Variants in REV3L observed in about 807,000 individuals in gnomAD.
The protein encoded by REV3L is REV3 like, DNA directed polymerase zeta catalytic subunit.
Under a neutral mutation model 299.4 loss-of-function variants are expected in REV3L, and 69 were observed. The ratio of observed to expected loss-of-function variants is 0.23; its 90% CI spans 0.19 to 0.28. The LOEUF is 0.28. Ranked by LOEUF, REV3L falls within the 10% of genes least tolerant of loss-of-function variation. REV3L has a pLI of 1.00. For missense variants in REV3L, 3,128 were observed against 3,693.8 expected (o/e 0.85, Z 3.97); for synonymous variants, 1,238 against 1,271.4 (o/e 0.97, Z 0.56).
rs534865123 is a variant in REV3L at position 111,411,703 on chromosome 6, C to T, written c.330-149G>A. 291 of 612,842 alleles carry T rather than the reference C, an allele frequency of 4.7e-4. 1 individual carries two copies. The African/African-American group carries it at 5.1e-3, about 11-fold the overall frequency. The allele number at this position is 612,842 out of a possible 1,614,324, so 38.0% of individuals were successfully genotyped here. On this transcript the variant is annotated intron_variant, in intron 2 of 31. Transcript: ENST00000368802. ...CAAAAAACAACTAAAAAATCCCAAACCTTTCAGTTAAACCTAGCACAGGTT... is the reference window on the plus strand; with the variant it reads ...CAAAAAACAACTAAAAAATCCCAAATCTTTCAGTTAAACCTAGCACAGGTT...
chr6:111,451,867 T>C (rs943631079), intron 1 of REV3L, among the ~76,000 whole-genome samples: 15 of 148,278 alleles, frequency 1.0e-4, no homozygotes, highest in African/African-American at 3.4e-4. Context: ...AAAAGATAAA[T>C]TGGACTTTAT....
intron 15 of REV3L, 94 bp from the exon 16 acceptor site, chr6:111,364,072 G>A: frequency 6.8e-7 from 1 of 1,478,082 alleles, no homozygotes; most frequent in Non-Finnish European, 9.1e-7. Context: ...TATGCTTTAT[G>A]TGTTTAGTAA....
At position 111,431,387 on chromosome 6, in the gene REV3L, G is replaced by C. The variant is rs555305970; in HGVS notation, c.140-14915C>G. 6.1e-5 allele frequency: 59 copies of C among 964,574 alleles called. 1 individual carries two copies. In the African/African-American group the frequency reaches 8.3e-4, roughly 14 times the overall value. 59.8% of individuals were successfully genotyped at this position (964,574 alleles called of 1,614,324 possible). On this transcript the variant is annotated intron_variant, in intron 1 of 31. Transcript: ENST00000368802. Reference sequence around the variant, plus strand: ...TACTTCAAGACAGGCTCATAGCGCTGAAAGCAGTAACAAACTTTGGCGTTC... The same window carrying C: ...TACTTCAAGACAGGCTCATAGCGCTCAAAGCAGTAACAAACTTTGGCGTTC...
chr6:111,319,843 C>A (rs1327053332), intron 26 of REV3L, among the ~76,000 whole-genome samples: 2 of 145,272 alleles, frequency 1.4e-5, no homozygotes, highest in Non-Finnish European at 3.0e-5. Context: ...TTTTTTTTTT[C>A]TCTGAGATGG....
chr6:111,460,485 A>G (rs968018817), intron 1 of REV3L: 2 of 152,142 alleles, frequency 1.3e-5, no homozygotes, highest in Non-Finnish European at 2.9e-5. Flanking sequence ...CAAACAGTAG[A>G]GTGACATCTT....
At chr6:111,403,299 C>A (rs17539385) in intron 4 of REV3L, among the ~76,000 whole-genome samples, 2,893 of 152,278 alleles carry the variant, frequency 0.019, 37 homozygotes, top group Non-Finnish European at 0.028. Context: ...TGAAAATGTT[C>A]TGAATTTGTG....
At position 111,314,752 on chromosome 6, in the gene REV3L, C is replaced by T. The variant is rs566477702; in HGVS notation, c.8466+515G>A. 2.0e-5 allele frequency among the ~76,000 whole-genome samples: 3 copies of T among 151,228 alleles called. No homozygotes were observed. The East Asian group carries it at 5.8e-4, about 29-fold the overall frequency. The stretch of plus-strand genomic sequence containing the variant: ...ATTAAGTTTGGGGTGATCTGTTACA[C>T]AATAATAGTTACTGGAACAAAGTTT... On this transcript the variant is annotated intron_variant, in intron 27 of 31. Coordinates refer to ENST00000368802, the MANE Select transcript of REV3L (RefSeq NM_001372078.1).
At chr6:111,343,679 A>T (rs1394692158) in intron 21 of REV3L, among the ~76,000 whole-genome samples, 1 of 152,112 alleles carries the variant, frequency 6.6e-6, no homozygotes, top group Non-Finnish European at 1.5e-5. Flanking sequence ...ACAGGCATGC[A>T]TCACCACACC....
At position 111,329,550 on chromosome 6, in the gene REV3L, C is replaced by A. The variant is rs778731155; in HGVS notation, c.8223G>T (p.Gly2741=). Residue 2741 remains glycine, a synonymous_variant, in exon 25 of 32, where the codon GGG becomes GGT. Coordinates refer to ENST00000368802, the MANE Select transcript of REV3L (RefSeq NM_001372078.1). ...CACTTACCTCAATGCATGGCATTCT[C>A]CCAGAAAAATTAGCAGATGTATAGC... ...TFGYTSANFS[G]RMPCIEVGDS... is the part of the protein sequence containing the mutation. 4.8e-5 allele frequency: 78 copies of A among 1,613,926 alleles called. No individual in the cohort carries two copies. Among genetic ancestry groups the A allele is most frequent in the Non-Finnish European group, 6.5e-5 (77 of 1,180,000 alleles).
chr6:111,470,182 A>T lies in REV3L; in HGVS notation c.139+12568T>A, dbSNP rs1300836343. On this transcript the variant is annotated intron_variant, in intron 1 of 31. Coordinates refer to ENST00000368802, the MANE Select transcript of REV3L (RefSeq NM_001372078.1). ...CCAGGGTTTACTATCTCTCACACAC[A>T]CACACACACACACACACACACACAC... Among the ~76,000 whole-genome samples the T allele has an allele frequency of 2.9e-3, 15 of 5,154 alleles. No homozygotes were observed. In the African/African-American group the frequency reaches 0.045, roughly 16 times the overall value. 3.4% of individuals were successfully genotyped at this position (5,154 alleles called of 152,430 possible). A position where few individuals can be genotyped will look rare whatever the true frequency, so the allele number is the denominator to read the frequency against.
At chr6:111,300,943 C>A (rs1164197590) in intron 31 of REV3L, among the ~76,000 whole-genome samples, 4 of 152,214 alleles carry the variant, frequency 2.6e-5, no homozygotes, top group African/African-American at 4.8e-5. Flanking sequence ...ACCATAAAAT[C>A]TGACTGCCTG....
chr6:111,412,085 A>G (rs1399831764), intron 2 of REV3L: 10 of 985,002 alleles, frequency 1.0e-5, no homozygotes, highest in Middle Eastern at 1.0e-3. Context: ...TTATTATTTT[A>G]TAAGTTCAAT....
Position 111,389,203 on chromosome 6 carries a change from A to C in REV3L, c.765T>G (p.Ile255Met). The change falls in exon 7 of 32, where the codon ATT (isoleucine) becomes ATG (methionine). Residue 255 changes from isoleucine (I) to methionine (M), a missense_variant. Coordinates refer to ENST00000368802, the MANE Select transcript of REV3L (RefSeq NM_001372078.1). ...TGGCCTGTAGACCAGGGTTTCCACCAATTTGAGCTGTAATCACAATAATAC... is the reference window on the plus strand; with the variant it reads ...TGGCCTGTAGACCAGGGTTTCCACCCATTTGAGCTGTAATCACAATAATAC... ...ILNRLDIEAQ[I>M]GGNPGLQAIW... 2 of 1,612,834 alleles carry C rather than the reference A, an allele frequency of 1.2e-6. No individual in the cohort carries two copies. The highest frequency in any genetic ancestry group is 1.7e-6 in the Non-Finnish European group (2 of 1,179,098).
At chr6:111,472,796 C>T (rs1361407589) in intron 1 of REV3L, among the ~76,000 whole-genome samples, 5 of 151,832 alleles carry the variant, frequency 3.3e-5, no homozygotes, top group Non-Finnish European at 7.4e-5. Context: ...TTAGAAGGAA[C>T]GACAGAAAAC....
intron 16 of REV3L, among the ~76,000 whole-genome samples, chr6:111,362,779 A>C (rs1778827186): frequency 6.6e-6 from 1 of 152,240 alleles, no homozygotes; most frequent in Admixed American, 6.5e-5. Context: ...ATACAACTTA[A>C]GAGTAAAAAA....
chr6:111,380,014 G>C lies in REV3L; in HGVS notation c.1422C>G (p.Asp474Glu), dbSNP rs764836442. The C allele has an allele frequency of 1.2e-6, 2 of 1,613,404 alleles. No homozygotes were observed. Among genetic ancestry groups the C allele is most frequent in the Non-Finnish European group, 1.7e-6 (2 of 1,179,506 alleles). ...ELSLVMSQRW[D>E]SNIEEHCAKK... ...TGGCACAATGTTCTTCAATATTGCT[G>C]TCCCATCTCTGGGACATCACCAAAC... The change falls in exon 11 of 32, where the codon GAC (aspartate) becomes GAG (glutamate). Residue 474 changes from aspartate (D) to glutamate (E), a missense_variant. By Grantham distance (45) the Asp-to-Glu change is conservative. Transcript: ENST00000368802.
intron 14 of REV3L, among the ~76,000 whole-genome samples, chr6:111,365,936 C>T (rs926282991): frequency 6.6e-6 from 1 of 152,050 alleles, no homozygotes; most frequent in Non-Finnish European, 1.5e-5. Context: ...GAGATGATGA[C>T]AGTTTGGCCT....
At chr6:111,454,605 A>C (rs1789955115) in intron 1 of REV3L, among the ~76,000 whole-genome samples, 1 of 152,044 alleles carries the variant, frequency 6.6e-6, no homozygotes, top group African/African-American at 2.4e-5. Context: ...GTTCTCTATA[A>C]ATTTGACTAT....
At chr6:111,438,790 G>A (rs1459645184) in intron 1 of REV3L, among the ~76,000 whole-genome samples, 4 of 152,042 alleles carry the variant, frequency 2.6e-5, no homozygotes, top group Non-Finnish European at 5.9e-5. Context: ...TTGATCTCAC[G>A]GGGTCCTGAA....
Sources: gnomAD v4.1 joint callset for allele counts (sites outside exome capture counted in the v4.1 genomes callset) on GRCh38, gnomAD v4.1.1 for gene constraint, MANE v1.5 for transcripts, NCBI Gene and HGNC (gene_info 2026-07-23, HGNC 2026-07-21) for gene names.